TTI2: variants seen among roughly 807,000 people sequenced by gnomAD.
The protein encoded by TTI2 is TELO2 interacting protein 2.
In TTI2, 26 loss-of-function variants were observed where a neutral mutation model predicts 44.9. That is an observed-to-expected ratio of 0.58 (90% CI 0.42 to 0.80). The LOEUF (loss-of-function observed/expected upper bound fraction) is 0.80, where lower values mean the gene tolerates loss of function less well. TTI2 is among the 30% of genes least tolerant of loss of function. The pLI is 0.00. For missense variants in TTI2, 582 were observed against 611.6 expected, an observed-to-expected ratio of 0.95 and a Z score of 0.51; for synonymous variants, 254 against 250.9, an observed-to-expected ratio of 1.01 and a Z score of -0.12.
At chr8:33,506,961 C>T (rs988925454) in intron 4 of TTI2, among the ~76,000 whole-genome samples, 3 of 152,138 alleles carry the variant, frequency 2.0e-5, no homozygotes, top group African/African-American at 7.2e-5. Flanking sequence ...TCCCAAAGTG[C>T]TGGGATTACA....
intron 4 of TTI2, among the ~76,000 whole-genome samples, chr8:33,506,200 C>G (rs1467517275): frequency 6.6e-6 from 1 of 152,140 alleles, no homozygotes; most frequent in African/African-American, 2.4e-5. Flanking sequence ...CAAAGCTTAT[C>G]TTAAAGCCAA....
At position 33,504,289 on chromosome 8, in the gene TTI2, ATTT is replaced by A. The variant is rs1169577360; in HGVS notation, c.928-357_928-355del. 7.4e-3 allele frequency among the ~76,000 whole-genome samples: 540 copies of A among 72,956 alleles called. 4 individuals are homozygous for A. Among genetic ancestry groups the A allele is most frequent in the African/African-American group, 0.029 (503 of 17,584 alleles). 47.9% of individuals were successfully genotyped at this position (72,956 alleles called of 152,430 possible). On this transcript the variant is annotated intron_variant, in intron 4 of 7. Transcript: ENST00000431156. ...ACTTAGTGATACATGATATTTACAC[ATTT>A]TTTTTTTTTTTTTTTTTTTTTTGTG...
chr8:33,507,452 G>A (rs565032847), intron 3 of TTI2, 131 bp from the exon 4 acceptor site: 8 of 785,284 alleles, frequency 1.0e-5, no homozygotes, highest in Admixed American at 6.1e-5. Context: ...TGATTGTTTC[G>A]AGTTGAAAAT....
In TTI2 at chr8:33,503,830, G is replaced by A. The variant is rs1381499037; in HGVS notation, c.1033C>T (p.Leu345=). Residue 345 remains leucine, a synonymous_variant, in exon 5 of 8, where the codon CTG becomes TTG. Coordinates refer to ENST00000431156, the MANE Select transcript of TTI2 (RefSeq NM_001102401.4). The part of the protein sequence containing the change: ...PTTHCDEVLR[L]ILTHMEPEHR... ...TCTGGCTCCATGTGGGTCAGGATCA[G>A]CCGCAGGACCTCATCACAATGGGTG... 6.2e-7 allele frequency: 1 copy of A among 1,614,052 alleles called. No homozygotes were observed. Among genetic ancestry groups the A allele is most frequent in the East Asian group, 2.2e-5 (1 of 44,892 alleles).
intron 3 of TTI2, among the ~76,000 whole-genome samples, chr8:33,509,340 C>T (rs565270729): frequency 7.5e-4 from 113 of 150,370 alleles, no homozygotes; most frequent in Non-Finnish European, 1.4e-3. Context: ...ACCTGTAATC[C>T]CAGCTACTCG....
intron 4 of TTI2, among the ~76,000 whole-genome samples, chr8:33,505,459 T>TA (rs1264349607): frequency 6.6e-6 from 1 of 151,366 alleles, no homozygotes; most frequent in Non-Finnish European, 1.5e-5. Flanking sequence ...CCTAGTTAGT[T>TA]ACCTATTGCT....
intron 2 of TTI2, 70 bp from the exon 3 acceptor site, chr8:33,510,002 A>C: frequency 1.8e-6 from 2 of 1,126,794 alleles, no homozygotes; most frequent in Non-Finnish European, 2.6e-6. Flanking sequence ...AAAAAAAACT[A>C]CTTCAAGCTA....
rs397973510 is a variant in TTI2, at chr8:33,503,128, C to CAAAAA, written c.1259+296_1259+300dup. Among the ~76,000 whole-genome samples, 144 of 47,254 alleles carry CAAAAA rather than the reference C, an allele frequency of 3.0e-3. 2 individuals are homozygous for CAAAAA. Among genetic ancestry groups the CAAAAA allele is most frequent in the African/African-American group, 6.6e-3 (123 of 18,592 alleles). 31.0% of individuals were successfully genotyped at this position (47,254 alleles called of 152,430 possible). On this transcript the variant is annotated intron_variant, in intron 6 of 7. Transcript: ENST00000431156. ...TGGGCGACAGTGTGAGACTCCATTT[C>CAAAAA]AAAAAAAAAAAAAAAAAAAACAAAA...
chr8:33,509,286 A>G (rs569802660), intron 3 of TTI2, among the ~76,000 whole-genome samples: 13 of 151,656 alleles, frequency 8.6e-5, no homozygotes, highest in African/African-American at 2.4e-4. Flanking sequence ...GTGAAACCCC[A>G]TCTCTACTAA....
chr8:33,511,462 C>A (rs1306273619), intron 2 of TTI2, among the ~76,000 whole-genome samples: 1 of 151,112 alleles, frequency 6.6e-6, no homozygotes, highest in Non-Finnish European at 1.5e-5. Context: ...GTTATGACCT[C>A]CAATTTGCCA....
intron 6 of TTI2, 44 bp from the exon 7 acceptor site, chr8:33,500,534 T>C (rs1809037255): frequency 6.2e-7 from 1 of 1,608,472 alleles, no homozygotes; most frequent in African/African-American, 1.3e-5. Context: ...TAAATCTGGA[T>C]ATTAAAATTG....
intron 4 of TTI2, among the ~76,000 whole-genome samples, chr8:33,504,654 T>C (rs1809233523): frequency 6.6e-6 from 1 of 151,816 alleles, no homozygotes; most frequent in South Asian, 2.1e-4. Context: ...TGACAGCTGA[T>C]GAGCTTTAAA....
Position 33,512,421 on chromosome 8 carries a change from C to T in TTI2, c.193G>A (p.Asp65Asn). The change falls in exon 2 of 8, where the codon GAT (aspartate) becomes AAT (asparagine). Residue 65 changes from aspartate (D) to asparagine (N), a missense_variant. By Grantham distance (23) the Asp-to-Asn change is conservative. Transcript: ENST00000431156. ...GCACCAGTCCCCTCAAATAACCTAT[C>T]AAATTCTGTGGCTTCTATTAGATCA... The part of the protein sequence containing the change: ...LGDLIEATEF[D>N]RLFEGTGARL... 1 of 1,614,098 alleles carries T rather than the reference C, an allele frequency of 6.2e-7. No individual in the cohort carries two copies. The highest frequency in any genetic ancestry group is 8.5e-7 in the Non-Finnish European group (1 of 1,179,948).
Position 33,499,085 on chromosome 8 carries a change from T to TA in TTI2, c.*87dup. On this transcript the variant is annotated 3_prime_UTR_variant, in exon 8 of 8. Transcript: ENST00000431156. ...CAGCTTTCACTTACAAAGTTTCGTG[T>TA]AAAAATATCTTTTTTTCTTAAATAA... 8.6e-7 allele frequency: 1 copy of TA among 1,156,910 alleles called. No individual in the cohort carries two copies. The highest frequency in any genetic ancestry group is 1.3e-6 in the Non-Finnish European group (1 of 778,618). 71.7% of individuals were successfully genotyped at this position (1,156,910 alleles called of 1,614,324 possible).
intron 4 of TTI2, among the ~76,000 whole-genome samples, chr8:33,506,258 A>C: frequency 6.6e-6 from 1 of 152,354 alleles, no homozygotes; most frequent in East Asian, 1.9e-4. Context: ...TGTTGGATGA[A>C]ATAATAAATC....
chr8:33,505,263 T>C lies in TTI2; in HGVS notation c.928-1328A>G, dbSNP rs79488384. On this transcript the variant is annotated intron_variant, in intron 4 of 7. Transcript: ENST00000431156. ...TAAAATAAAAATAAAGGCAGCAGGGTGGGGAGGGGGAAAGGAGGGAAGTAA... is the reference window on the plus strand; with the variant it reads ...TAAAATAAAAATAAAGGCAGCAGGGCGGGGAGGGGGAAAGGAGGGAAGTAA... 9.9e-5 allele frequency among the ~76,000 whole-genome samples: 15 copies of C among 151,808 alleles called. No individual in the cohort carries two copies. The East Asian group carries it at 2.3e-3, about 23-fold the overall frequency.
At chr8:33,511,758 G>A (rs1008612352) in intron 2 of TTI2, among the ~76,000 whole-genome samples, 5 of 152,008 alleles carry the variant, frequency 3.3e-5, no homozygotes, top group Non-Finnish European at 5.9e-5. Context: ...GCGTGGTGAC[G>A]GGCAACTGTA....
intron 6 of TTI2, among the ~76,000 whole-genome samples, 158 bp downstream of exon 6, chr8:33,503,271 T>A (rs552313289): frequency 2.6e-5 from 4 of 152,294 alleles, no homozygotes; most frequent in African/African-American, 9.6e-5. Flanking sequence ...ATCTTTCTAA[T>A]GCCATTTTCT....
chr8:33,512,666 C>A lies in TTI2; in HGVS notation c.-53G>T. On this transcript the variant is annotated 5_prime_UTR_variant, in exon 2 of 8. Coordinates refer to ENST00000431156, the MANE Select transcript of TTI2 (RefSeq NM_001102401.4). ...CTCTCCCACAGAACGAGGATGGAGGCGGGGAGGGATCCGTTGAAGAGGGAA... is the reference window on the plus strand; with the variant it reads ...CTCTCCCACAGAACGAGGATGGAGGAGGGGAGGGATCCGTTGAAGAGGGAA... The A allele has an allele frequency of 6.3e-7, 1 of 1,595,198 alleles. No homozygotes were observed. Among genetic ancestry groups the A allele is most frequent in the Non-Finnish European group, 8.5e-7 (1 of 1,172,716 alleles).
Sources: allele counts gnomAD v4.1 joint callset (sites outside exome capture counted in the v4.1 genomes callset), GRCh38; gene constraint gnomAD v4.1.1; transcripts MANE v1.5; gene names NCBI Gene and HGNC (gene_info 2026-07-23, HGNC 2026-07-21).